The following CADPS variants were observed in gnomAD, a reference collection of about 807,000 sequenced individuals.
The protein encoded by CADPS is calcium-dependent secretion activator 1.
CADPS carries 57 observed loss-of-function variants against 167.3 expected under a neutral mutation model. The observed-to-expected ratio is 0.34, with a 90% CI of 0.28 to 0.42. CADPS has a LOEUF of 0.42. CADPS is among the 20% of genes least tolerant of loss of function. CADPS has a pLI of 1.00. For missense variants in CADPS, 1,414 were observed against 1,738.1 expected (o/e 0.81, Z 3.32); for synonymous variants, 676 against 635.3 (o/e 1.06, Z -0.96).
intron 1 of CADPS, among the ~76,000 whole-genome samples, chr3:62,873,616 C>A (rs1255301893): frequency 2.4e-5 from 2 of 82,576 alleles, no homozygotes; most frequent in Non-Finnish European, 5.1e-5. Flanking sequence ...GAAATAGGCG[C>A]CTTTTTTTTT....
At chr3:62,871,665 TGTTAGA>T (rs2082654014) in intron 1 of CADPS, among the ~76,000 whole-genome samples, 5 of 152,144 alleles carry the variant, frequency 3.3e-5, no homozygotes, top group Admixed American at 2.6e-4. Flanking sequence ...ATTTGTACAT[TGTTAGA>T]GTTAGGAGAT....
At chr3:62,530,693 C>CT (rs1204610345) in intron 13 of CADPS, 3 of 1,288,044 alleles carry the variant, frequency 2.3e-6, no homozygotes, top group Non-Finnish European at 3.0e-6. Context: ...GGAATCTTTT[C>CT]TTTTTTTGGA....
intron 21 of CADPS, among the ~76,000 whole-genome samples, chr3:62,488,060 G>A (rs1290769598): frequency 6.6e-6 from 1 of 152,174 alleles, no homozygotes. Flanking sequence ...TTGAAAGAAA[G>A]GCTGTGTGTG....
chr3:62,591,127 G>C (rs1298864906), intron 7 of CADPS, among the ~76,000 whole-genome samples: 2 of 152,128 alleles, frequency 1.3e-5, no homozygotes, highest in Non-Finnish European at 2.9e-5. Flanking sequence ...TAATGTGCTG[G>C]GGTTACAGGC....
intron 4 of CADPS, among the ~76,000 whole-genome samples, chr3:62,656,755 G>T (rs961446186): frequency 6.6e-6 from 1 of 152,120 alleles, no homozygotes; most frequent in African/African-American, 2.4e-5. Context: ...GTCAAAATAG[G>T]CATTGCAGAC....
chr3:62,783,570 ATTAG>A (rs1236378222), intron 1 of CADPS, among the ~76,000 whole-genome samples: 1 of 152,172 alleles, frequency 6.6e-6, no homozygotes, highest in African/African-American at 2.4e-5. Flanking sequence ...CTCAGCATTT[ATTAG>A]TTGTGAGACC....
At chr3:62,687,872 G>C (rs1027888308) in intron 3 of CADPS, among the ~76,000 whole-genome samples, 19 of 151,606 alleles carry the variant, frequency 1.3e-4, no homozygotes, top group African/African-American at 4.6e-4. Context: ...ATACTGTGAA[G>C]CAGGTGCAAG....
intron 8 of CADPS, among the ~76,000 whole-genome samples, chr3:62,576,788 T>TAAA (rs138055445): frequency 0.022 from 656 of 29,778 alleles, 116 homozygotes; most frequent in African/African-American, 0.077. Flanking sequence ...AGACTCTGTC[T>TAAA]AAAAAAAAAA....
At chr3:62,758,168 C>A (rs149750871) in intron 2 of CADPS, among the ~76,000 whole-genome samples, 1 of 152,204 alleles carries the variant, frequency 6.6e-6, no homozygotes, top group Non-Finnish European at 1.5e-5. Context: ...GACAAGTCAC[C>A]TAACCTCCAT....
intron 1 of CADPS, among the ~76,000 whole-genome samples, chr3:62,821,868 G>T (rs1278585127): frequency 7.9e-5 from 12 of 152,144 alleles, no homozygotes; most frequent in Non-Finnish European, 2.9e-5. Context: ...TGTGGAAGCT[G>T]TAGTGAAGAA....
At chr3:62,538,951 C>T (rs2075238481) in intron 11 of CADPS, among the ~76,000 whole-genome samples, 2 of 152,128 alleles carry the variant, frequency 1.3e-5, no homozygotes. Context: ...CTTTGTGGTG[C>T]TAATTCTAGT....
chr3:62,786,127 C>A (rs200848060), intron 1 of CADPS, among the ~76,000 whole-genome samples: 1 of 151,956 alleles, frequency 6.6e-6, no homozygotes, highest in Non-Finnish European at 1.5e-5. Context: ...GCACAAGAAT[C>A]GCTTGAACGT....
intron 1 of CADPS, among the ~76,000 whole-genome samples, chr3:62,859,812 A>C (rs1233985203): frequency 1.3e-5 from 2 of 152,198 alleles, no homozygotes; most frequent in Non-Finnish European, 2.9e-5. Context: ...TGTGTTGACA[A>C]TATTCTTCAG....
At chr3:62,615,614 C>T (rs1401921410) in intron 6 of CADPS, among the ~76,000 whole-genome samples, 1 of 152,106 alleles carries the variant, frequency 6.6e-6, no homozygotes, top group Non-Finnish European at 1.5e-5. Flanking sequence ...TTCTGAAAAA[C>T]AGCTGCATGA....
intron 29 of CADPS, among the ~76,000 whole-genome samples, chr3:62,402,769 A>C (rs1381026495): frequency 6.6e-6 from 1 of 152,272 alleles, no homozygotes; most frequent in African/African-American, 2.4e-5. Flanking sequence ...GATTAACATA[A>C]TGACACCAAA....
intron 8 of CADPS, among the ~76,000 whole-genome samples, chr3:62,571,765 T>C (rs930881224): frequency 5.3e-5 from 8 of 152,164 alleles, no homozygotes; most frequent in Non-Finnish European, 1.2e-4. Context: ...GGTTTCACCA[T>C]GTTGGTCAGG....
At chr3:62,641,060 C>T (rs2067309085) in intron 6 of CADPS, among the ~76,000 whole-genome samples, 1 of 151,878 alleles carries the variant, frequency 6.6e-6, no homozygotes, top group Non-Finnish European at 1.5e-5. Context: ...CTATTATTTA[C>T]TTAATATATT....
chr3:62,824,101 C>T (rs960636657), intron 1 of CADPS, among the ~76,000 whole-genome samples: 3 of 150,540 alleles, frequency 2.0e-5, no homozygotes, highest in African/African-American at 7.4e-5. Context: ...GAGATTGCCA[C>T]TGTCATTCAA....
intron 1 of CADPS, among the ~76,000 whole-genome samples, chr3:62,864,947 C>T (rs1172999001): frequency 6.6e-6 from 1 of 152,124 alleles, no homozygotes; most frequent in African/African-American, 2.4e-5. Flanking sequence ...ACTTTTTCTA[C>T]AGGATCTAGT....
Sources: gnomAD v4.1 joint callset for allele counts (sites outside exome capture counted in the v4.1 genomes callset) on GRCh38, gnomAD v4.1.1 for gene constraint, MANE v1.5 for transcripts, NCBI Gene and HGNC (gene_info 2026-07-23, HGNC 2026-07-21) for gene names.